Variants in SLC39A10 observed in about 807,000 individuals in gnomAD.
SLC39A10 encodes zinc transporter ZIP10.
Under a neutral mutation model 65.1 loss-of-function variants are expected in SLC39A10, and 13 were observed. That is an observed-to-expected ratio of 0.20 (90% CI 0.13 to 0.32). SLC39A10 has a LOEUF of 0.32. SLC39A10 is among the 10% of genes least tolerant of loss of function. SLC39A10 has a pLI of 1.00. For missense variants in SLC39A10, 831 were observed against 1,018.4 expected, an observed-to-expected ratio of 0.82 and a Z score of 2.50; for synonymous variants, 321 against 342.2, an observed-to-expected ratio of 0.94 and a Z score of 0.68.
chr2:195,714,616 G>A (rs1415831709), intron 6 of SLC39A10, among the ~76,000 whole-genome samples: 7 of 152,068 alleles, frequency 4.6e-5, no homozygotes, highest in African/African-American at 1.7e-4. Flanking sequence ...CCCTCTTGAA[G>A]GATTCAAATT....
Position 195,734,046 on chromosome 2 carries a change from A to G in SLC39A10, c.2338-837A>G, listed in dbSNP as rs553396166. Among the ~76,000 whole-genome samples, 461 of 151,958 alleles carry G rather than the reference A, an allele frequency of 3.0e-3. 3 individuals are homozygous for G. The highest frequency in any genetic ancestry group is 0.011 in the African/African-American group (440 of 41,402). ...AGATGCCAATTTGGATTTGTCCCCA[A>G]GTATCTCTTTGCTGTCATGAGCAGT... On this transcript the variant is annotated intron_variant, in intron 9 of 9. Coordinates refer to ENST00000359634, the MANE Select transcript of SLC39A10 (RefSeq NM_020342.3).
chr2:195,705,085 C>T (rs766497856), intron 3 of SLC39A10, among the ~76,000 whole-genome samples: 1 of 152,160 alleles, frequency 6.6e-6, no homozygotes. Flanking sequence ...CGTGAGCCAC[C>T]ACGCCAGGCC....
intron 1 of SLC39A10, chr2:195,658,040 G>C (rs1689230698): frequency 6.6e-6 from 1 of 152,342 alleles, no homozygotes; most frequent in Admixed American, 6.5e-5. Flanking sequence ...GCGGCCGCAC[G>C]GCTTTGTTCC....
At chr2:195,629,748 T>C (rs1688546044) in intron 2 of SLC39A10, among the ~76,000 whole-genome samples, 1 of 152,210 alleles carries the variant, frequency 6.6e-6, no homozygotes, top group South Asian at 2.1e-4. Flanking sequence ...AATAACTTTC[T>C]TTTAAGACAA....
intron 5 of SLC39A10, among the ~76,000 whole-genome samples, chr2:195,712,043 A>G (rs1691617735): frequency 6.6e-6 from 1 of 152,092 alleles, no homozygotes; most frequent in African/African-American, 2.4e-5. Context: ...GTTCCTCTCT[A>G]CTTGCCATTT....
chr2:195,666,802 AATC>A (rs1408449098), intron 1 of SLC39A10, among the ~76,000 whole-genome samples: 3 of 152,176 alleles, frequency 2.0e-5, no homozygotes, highest in African/African-American at 7.2e-5. Flanking sequence ...ATGTAACTAA[AATC>A]ATAAACATTT....
intron 3 of SLC39A10, among the ~76,000 whole-genome samples, chr2:195,690,762 A>G (rs1318329530): frequency 1.3e-5 from 2 of 152,186 alleles, no homozygotes; most frequent in African/African-American, 4.8e-5. Flanking sequence ...TATTCTGAAT[A>G]TTAATCTCCC....
chr2:195,632,083 G>A (rs1012756046), intron 2 of SLC39A10, among the ~76,000 whole-genome samples: 1 of 151,388 alleles, frequency 6.6e-6, no homozygotes, highest in African/African-American at 2.4e-5. Context: ...TGTAAAGATG[G>A]GGTCTCACTA....
chr2:195,629,246 T>C (rs1559007592), intron 2 of SLC39A10, among the ~76,000 whole-genome samples: 1 of 151,780 alleles, frequency 6.6e-6, no homozygotes, highest in Admixed American at 6.6e-5. Flanking sequence ...ACACACAAAT[T>C]AGCCAGATGT....
At position 195,717,361 on chromosome 2, in the gene SLC39A10, C is replaced by A. The variant is rs28393715; in HGVS notation, c.2065+356C>A. On this transcript the variant is annotated intron_variant, in intron 7 of 9. Transcript: ENST00000359634. ...CCTAGGTTTAATAAATTTGCCATATCTTTGAAAAAGCAAAAAAAAAAATTT... is the reference window on the plus strand; with the variant it reads ...CCTAGGTTTAATAAATTTGCCATATATTTGAAAAAGCAAAAAAAAAAATTT... 1,370 of 170,510 alleles carry A rather than the reference C, an allele frequency of 8.0e-3. 21 individuals are homozygous for A. The highest frequency in any genetic ancestry group is 0.03 in the African/African-American group (1,273 of 41,966). 10.6% of individuals were successfully genotyped at this position (170,510 alleles called of 1,614,324 possible). A position where few individuals can be genotyped will look rare whatever the true frequency, so the allele number is the denominator to read the frequency against.
chr2:195,718,371 T>G, intron 8 of SLC39A10, 39 bp downstream of exon 8: 2 of 1,461,248 alleles, frequency 1.4e-6, no homozygotes, highest in Non-Finnish European at 1.9e-6. Context: ...TTTCATCAAA[T>G]CTAAGACTTC....
chr2:195,676,497 T>G (rs942986670), intron 1 of SLC39A10, among the ~76,000 whole-genome samples: 3 of 152,178 alleles, frequency 2.0e-5, no homozygotes, highest in Admixed American at 6.5e-5. Context: ...AAAGACATTC[T>G]CTTACATTTT....
In SLC39A10 at chr2:195,683,374, A is replaced by G. The variant is rs757062033; in HGVS notation, c.1009-325A>G. Among the ~76,000 whole-genome samples the G allele has an allele frequency of 3.9e-5, 6 of 152,172 alleles. No individual in the cohort carries two copies. In the South Asian group the frequency reaches 1.0e-3, roughly 26 times the overall value. On this transcript the variant is annotated intron_variant, in intron 2 of 9. Transcript: ENST00000359634. ...GGATCTTGAGTCACCGATGATTGCA[A>G]TTTGATAGGGAAATGATTTTTCTCA...
rs190621418 is a variant in SLC39A10 at position 195,677,232 on chromosome 2, A to G, written c.-11-2800A>G. Among the ~76,000 whole-genome samples, 9 of 152,278 alleles carry G rather than the reference A, an allele frequency of 5.9e-5. No homozygotes were observed. The East Asian group carries it at 1.7e-3, about 29-fold the overall frequency. ...TCCCCTCCATTCTGGTCTTCTCCCA[A>G]TTATTACCCTCTATCTCTCTTTCAA... On this transcript the variant is annotated intron_variant, in intron 1 of 9. Coordinates refer to ENST00000359634, the MANE Select transcript of SLC39A10 (RefSeq NM_020342.3).
intron 2 of SLC39A10, among the ~76,000 whole-genome samples, chr2:195,614,690 T>C (rs939891597): frequency 6.6e-6 from 1 of 152,184 alleles, no homozygotes; most frequent in Non-Finnish European, 1.5e-5. Flanking sequence ...CCCCACAAAC[T>C]GGGAAGCCTC....
chr2:195,644,971 G>A (rs1022820559), intron 2 of SLC39A10, among the ~76,000 whole-genome samples: 1 of 151,390 alleles, frequency 6.6e-6, no homozygotes, highest in Admixed American at 6.6e-5. Context: ...GTGCAATGGC[G>A]TGATCTCGGC....
chr2:195,645,371 G>A (rs1688893935), intron 2 of SLC39A10, among the ~76,000 whole-genome samples: 1 of 152,118 alleles, frequency 6.6e-6, no homozygotes, highest in Non-Finnish European at 1.5e-5. Context: ...TATAGGGAGA[G>A]TATTACAAAC....
Position 195,704,754 on chromosome 2 carries a change from G to A in SLC39A10, c.1217-1862G>A, listed in dbSNP as rs114344170. Among the ~76,000 whole-genome samples the A allele has an allele frequency of 5.0e-3, 762 of 152,074 alleles. 8 individuals carry two copies. Among genetic ancestry groups the A allele is most frequent in the African/African-American group, 0.017 (725 of 41,484 alleles). On this transcript the variant is annotated intron_variant, in intron 3 of 9. Transcript: ENST00000359634. ...GTCATCCCAACAATAGTTAGTTAGA[G>A]CAATCACTGCCCCACCCCTGCCCCT...
At chr2:195,707,575 G>A (rs1353203495) in intron 4 of SLC39A10, among the ~76,000 whole-genome samples, 1 of 146,912 alleles carries the variant, frequency 6.8e-6, no homozygotes, top group Non-Finnish European at 1.5e-5. Context: ...AGTATCTACA[G>A]CAATATATGG....
Sources: allele counts gnomAD v4.1 joint callset (sites outside exome capture counted in the v4.1 genomes callset), GRCh38; gene constraint gnomAD v4.1.1; transcripts MANE v1.5; gene names NCBI Gene and HGNC (gene_info 2026-07-23, HGNC 2026-07-21).